The following ESR1 variants were observed in gnomAD, a reference collection of about 807,000 sequenced individuals.
The protein encoded by ESR1 is estrogen receptor.
Under a neutral mutation model 52.7 loss-of-function variants are expected in ESR1, and 12 were observed. That is an observed-to-expected ratio of 0.23 (90% CI 0.15 to 0.37). ESR1 has a LOEUF of 0.37. Ranked by LOEUF, ESR1 falls within the 10% of genes least tolerant of loss-of-function variation. ESR1 has a pLI of 1.00. For synonymous variants in ESR1, 305 were observed against 316.8 expected, an observed-to-expected ratio of 0.96 and a Z score of 0.39; for missense variants, 584 against 779.7, an observed-to-expected ratio of 0.75 and a Z score of 2.99.
At chr6:151,938,014 A>G (rs985813764) in intron 3 of ESR1, among the ~76,000 whole-genome samples, 2 of 152,186 alleles carry the variant, frequency 1.3e-5, no homozygotes, top group African/African-American at 4.8e-5. Flanking sequence ...TTCATTCTTA[A>G]TGAATTAGCA....
At chr6:151,988,540 G>A (rs907782389) in intron 4 of ESR1, among the ~76,000 whole-genome samples, 1 of 152,106 alleles carries the variant, frequency 6.6e-6, no homozygotes, top group African/African-American at 2.4e-5. Flanking sequence ...TGGATTCATA[G>A]AGGGAAACAA....
At chr6:151,824,401 A>T (rs1385233568) in intron 1 of ESR1, among the ~76,000 whole-genome samples, 1 of 151,748 alleles carries the variant, frequency 6.6e-6, no homozygotes, top group African/African-American at 2.4e-5. Context: ...GATTGCAAAA[A>T]TTTTCTCCCA....
chr6:152,119,334 A>T (rs1411870505), intron 6 of ESR1, among the ~76,000 whole-genome samples: 1 of 152,204 alleles, frequency 6.6e-6, no homozygotes, highest in Non-Finnish European at 1.5e-5. Flanking sequence ...AAGAGAAGCT[A>T]CTGTGGGTCC....
intron 2 of ESR1, among the ~76,000 whole-genome samples, chr6:151,765,621 C>T (rs1784991187): frequency 6.6e-6 from 1 of 152,124 alleles, no homozygotes; most frequent in Non-Finnish European, 1.5e-5. Context: ...TCCATGTCGA[C>T]CCTGTAGATG....
chr6:151,998,230 G>C (rs1295872535), intron 4 of ESR1, among the ~76,000 whole-genome samples: 1 of 152,092 alleles, frequency 6.6e-6, no homozygotes, highest in Non-Finnish European at 1.5e-5. Context: ...CATTGGGGTG[G>C]CAGTGGGGGG....
At chr6:151,724,090 G>T (rs2128025818) in intron 2 of ESR1, among the ~76,000 whole-genome samples, 1 of 152,190 alleles carries the variant, frequency 6.6e-6, no homozygotes. Context: ...CATGAGCAGT[G>T]AGCCCATCTA....
intron 1 of ESR1, among the ~76,000 whole-genome samples, chr6:151,813,770 C>T (rs774105122): frequency 1.3e-5 from 2 of 152,066 alleles, no homozygotes; most frequent in Non-Finnish European, 2.9e-5. Context: ...TGGTAATGTT[C>T]TATTTTTTGG....
chr6:152,034,332 C>A (rs2045072015), intron 5 of ESR1, among the ~76,000 whole-genome samples: 1 of 145,494 alleles, frequency 6.9e-6, no homozygotes, highest in Admixed American at 6.8e-5. Flanking sequence ...AGTTTGGCTG[C>A]ATTGCTTTGA....
chr6:151,692,332 T>C (rs966763114), intron 1 of ESR1, among the ~76,000 whole-genome samples: 2 of 152,232 alleles, frequency 1.3e-5, no homozygotes, highest in African/African-American at 4.8e-5. Flanking sequence ...CTGCAGGTCT[T>C]CTCTGAGTCT....
At chr6:151,967,104 C>T (rs2038355272) in intron 4 of ESR1, among the ~76,000 whole-genome samples, 1 of 152,108 alleles carries the variant, frequency 6.6e-6, no homozygotes, top group African/African-American at 2.4e-5. Context: ...CAGTTTTCTC[C>T]TTTTTTATGG....
intron 3 of ESR1, among the ~76,000 whole-genome samples, chr6:151,892,488 A>C (rs1424920976): frequency 6.6e-6 from 1 of 152,218 alleles, no homozygotes. Context: ...ATGATAGTGA[A>C]ATGAGAAGAT....
chr6:152,112,035 C>T (rs759613800), intron 6 of ESR1, among the ~76,000 whole-genome samples: 4 of 152,144 alleles, frequency 2.6e-5, no homozygotes, highest in Admixed American at 6.5e-5. Context: ...TAAAGAAAAA[C>T]ATTAAGTGGG....
chr6:151,826,122 CT>C (rs1781454769), intron 1 of ESR1, among the ~76,000 whole-genome samples: 1 of 152,006 alleles, frequency 6.6e-6, no homozygotes, highest in Non-Finnish European at 1.5e-5. Context: ...TGTGGTTTGG[CT>C]TTGGCTTCAT....
chr6:151,798,218 T>C (rs995044337), intron 2 of ESR1, among the ~76,000 whole-genome samples: 3 of 152,024 alleles, frequency 2.0e-5, no homozygotes, highest in African/African-American at 7.3e-5. Context: ...CTGTGGGTTT[T>C]GATTAGAATT....
chr6:151,876,043 T>A (rs1274205418), intron 2 of ESR1, among the ~76,000 whole-genome samples: 1 of 152,090 alleles, frequency 6.6e-6, no homozygotes, highest in Non-Finnish European at 1.5e-5. Context: ...TGATCTGGGC[T>A]GGAGAAGGTA....
chr6:151,934,430 G>T (rs1353093908), intron 3 of ESR1, among the ~76,000 whole-genome samples: 1 of 152,190 alleles, frequency 6.6e-6, no homozygotes, highest in Non-Finnish European at 1.5e-5. Context: ...TAACTTTGTT[G>T]TATTAAGTGA....
intron 1 of ESR1, chr6:151,811,223 T>C (rs901729835): frequency 6.6e-6 from 1 of 152,200 alleles, no homozygotes; most frequent in African/African-American, 2.4e-5. Context: ...TCCCAGCAAA[T>C]TGTTATTAAT....
chr6:151,962,909 T>A (rs2037836663), intron 4 of ESR1, among the ~76,000 whole-genome samples: 1 of 152,192 alleles, frequency 6.6e-6, no homozygotes, highest in Non-Finnish European at 1.5e-5. Flanking sequence ...GTCCTCTAAA[T>A]GTTTCTTATA....
chr6:151,784,411 G>A (rs2128125099), intron 2 of ESR1, among the ~76,000 whole-genome samples: 1 of 152,138 alleles, frequency 6.6e-6, no homozygotes, highest in South Asian at 2.1e-4. Context: ...TTATAGAGAA[G>A]ATATGTTTTT....
Sources: gnomAD v4.1 joint callset for allele counts (sites outside exome capture counted in the v4.1 genomes callset) on GRCh38, gnomAD v4.1.1 for gene constraint, MANE v1.5 for transcripts, NCBI Gene and HGNC (gene_info 2026-07-23, HGNC 2026-07-21) for gene names.